LDHB: variants seen among roughly 807,000 people sequenced by gnomAD.
LDHB encodes the protein L-lactate dehydrogenase B chain.
In LDHB, 18 loss-of-function variants were observed where a neutral mutation model predicts 33.4. The ratio of observed to expected loss-of-function variants is 0.54; its 90% CI spans 0.37 to 0.80. The LOEUF (loss-of-function observed/expected upper bound fraction) is 0.80. Among genes scored for constraint, LDHB ranks in the 30% least tolerant of loss-of-function variants. The pLI is 0.00. For missense variants in LDHB, 345 were observed against 407.9 expected (o/e 0.85, Z 1.33); for synonymous variants, 121 against 140.6 (o/e 0.86, Z 0.98).
At chr12:21,650,954 T>G (rs1294065435) in intron 2 of LDHB, among the ~76,000 whole-genome samples, 3 of 152,190 alleles carry the variant, frequency 2.0e-5, no homozygotes, top group Non-Finnish European at 4.4e-5. Context: ...GGAAGTTTAT[T>G]TTATATCGGA....
chr12:21,642,076 G>A lies in LDHB; in HGVS notation c.471C>T (p.His157=), dbSNP rs1938390896. ...GATTACATCCACTTCCAATCACGCG[G>A]TGTTTGGGTAATCCACTTAGTTTCC... ...VTWKLSGLPK[H]RVIGSGCNLD... Residue 157 remains histidine (H), a synonymous_variant, in exon 5 of 8, where the codon CAC becomes CAT. Coordinates refer to ENST00000350669, the MANE Select transcript of LDHB (RefSeq NM_002300.8). 3 of 1,613,412 alleles carry A rather than the reference G, an allele frequency of 1.9e-6. No homozygotes were observed. The highest frequency in any genetic ancestry group is 2.5e-6 in the Non-Finnish European group (3 of 1,179,578).
chr12:21,636,931 T>G, intron 7 of LDHB, 140 bp downstream of exon 7: 3 of 774,650 alleles, frequency 3.9e-6, no homozygotes, highest in Non-Finnish European at 6.7e-6. Context: ...TGTTGGAAAA[T>G]GAGAATAGTT....
chr12:21,643,887 C>G, intron 4 of LDHB, 48 bp downstream of exon 4: 1 of 1,419,426 alleles, frequency 7.0e-7, no homozygotes, highest in Non-Finnish European at 1.0e-6. Context: ...ACAGAAACAC[C>G]AAAACACTGA....
At chr12:21,656,792 C>A (rs1335635462) in intron 1 of LDHB, among the ~76,000 whole-genome samples, 2 of 152,184 alleles carry the variant, frequency 1.3e-5, no homozygotes. Flanking sequence ...GGAACAAGAA[C>A]GACAAACGGT....
At chr12:21,652,275 T>C (rs775111896) in intron 2 of LDHB, among the ~76,000 whole-genome samples, 2 of 152,168 alleles carry the variant, frequency 1.3e-5, no homozygotes, top group East Asian at 1.9e-4. Context: ...AAAAAGAAAA[T>C]TGAAAAGTCA....
At chr12:21,636,089 CTTAT>C (rs1040411256) in intron 7 of LDHB, among the ~76,000 whole-genome samples, 37 of 152,192 alleles carry the variant, frequency 2.4e-4, no homozygotes, top group African/African-American at 8.9e-4. Flanking sequence ...GTAACAAGTA[CTTAT>C]TTAATTTTAT....
At chr12:21,650,633 C>T (rs1333939003) in intron 2 of LDHB, among the ~76,000 whole-genome samples, 4 of 152,130 alleles carry the variant, frequency 2.6e-5, no homozygotes, top group Non-Finnish European at 5.9e-5. Context: ...AGTTAAAATG[C>T]AGAGTCTGAG....
chr12:21,647,721 C>A (rs1199028969), intron 2 of LDHB, among the ~76,000 whole-genome samples: 1 of 152,046 alleles, frequency 6.6e-6, no homozygotes, highest in East Asian at 1.9e-4. Flanking sequence ...CGCTCCGTTG[C>A]CGAGGCTGGA....
intron 3 of LDHB, among the ~76,000 whole-genome samples, chr12:21,644,394 G>C (rs1291415218): frequency 2.6e-5 from 3 of 113,858 alleles, no homozygotes; most frequent in African/African-American, 1.0e-4. Flanking sequence ...ATAAAATGAA[G>C]TGTAAACAGT....
At chr12:21,652,449 A>T (rs1312270136) in intron 2 of LDHB, among the ~76,000 whole-genome samples, 6 of 152,224 alleles carry the variant, frequency 3.9e-5, no homozygotes, top group Non-Finnish European at 8.8e-5. Context: ...TTTATCTTTG[A>T]ACATGGCACA....
At chr12:21,643,211 G>C (rs746643427) in intron 4 of LDHB, among the ~76,000 whole-genome samples, 8 of 152,200 alleles carry the variant, frequency 5.3e-5, no homozygotes, top group Non-Finnish European at 1.0e-4. Flanking sequence ...GTTTCTCTAT[G>C]GGAAGTGTGA....
chr12:21,643,926 CAAT>C lies in LDHB; in HGVS notation c.421+6_421+8del, dbSNP rs770406202. The C allele has an allele frequency of 1.0e-5, 16 of 1,588,176 alleles. No individual in the cohort carries two copies. Among genetic ancestry groups the C allele is most frequent in the Non-Finnish European group, 1.4e-5 (16 of 1,156,556 alleles). On this transcript the variant is annotated splice_donor_region_variant and intron_variant, in intron 4 of 7. Coordinates refer to ENST00000350669, the MANE Select transcript of LDHB (RefSeq NM_002300.8). ...TAACAGAACAGAGACTTAAAGTATA[CAAT>C]AATACCTGGGTTGGAAACCACAATT...
chr12:21,635,837 G>T, intron 7 of LDHB, 128 bp from the exon 8 acceptor site: 1 of 778,892 alleles, frequency 1.3e-6, no homozygotes, highest in Non-Finnish European at 2.2e-6. Flanking sequence ...TATGACAGCG[G>T]TACTACTCTC....
rs1938394697 is a variant in LDHB, at chr12:21,642,202, T to A, written c.422-77A>T. 5 of 967,938 alleles carry A rather than the reference T, an allele frequency of 5.2e-6. No individual in the cohort carries two copies. The African/African-American group carries it at 8.0e-5, about 16-fold the overall frequency. 60.0% of individuals were successfully genotyped at this position (967,938 alleles called of 1,614,324 possible). On this transcript the variant is annotated intron_variant, in intron 4 of 7. Coordinates refer to ENST00000350669, the MANE Select transcript of LDHB (RefSeq NM_002300.8). ...GTTAGGCAGCTTGGGGTGCCCTGGCTTCCCTTTTCCCACTTCCCCACTCCC... is the reference window on the plus strand; with the variant it reads ...GTTAGGCAGCTTGGGGTGCCCTGGCATCCCTTTTCCCACTTCCCCACTCCC...
chr12:21,635,696 A>G lies in LDHB; in HGVS notation c.851T>C (p.Ile284Thr). ...AAGGCTCAGGAAGACTTCATTCTCA[A>G]TGCCATACATCCCCTGCCAGAACAA... is the stretch of plus-strand genomic sequence containing the variant. ...VSTMVKGMYG[I>T]ENEVFLSLPC... Residue 284 changes from isoleucine (I) to threonine (T), a missense_variant, in exon 8 of 8, where the codon ATT becomes ACT. By Grantham distance (89) the Ile-to-Thr change is moderately conservative. Transcript: ENST00000350669. 1.2e-6 allele frequency: 2 copies of G among 1,613,708 alleles called. No individual in the cohort carries two copies. The highest frequency in any genetic ancestry group is 8.5e-7 in the Non-Finnish European group (1 of 1,179,768).
chr12:21,642,641 G>A (rs1206099492), intron 4 of LDHB, among the ~76,000 whole-genome samples: 1 of 152,102 alleles, frequency 6.6e-6, no homozygotes, highest in Non-Finnish European at 1.5e-5. Context: ...TTTAATAAAA[G>A]AACATCTATG....
At chr12:21,645,573 T>C (rs1400611841) in intron 3 of LDHB, among the ~76,000 whole-genome samples, 1 of 152,216 alleles carries the variant, frequency 6.6e-6, no homozygotes, top group Admixed American at 6.5e-5. Flanking sequence ...CTGGCAGCAA[T>C]ACTGCCCTTT....
At chr12:21,642,671 G>A (rs765803359) in intron 4 of LDHB, among the ~76,000 whole-genome samples, 15 of 152,076 alleles carry the variant, frequency 9.9e-5, no homozygotes, top group South Asian at 4.2e-4. Context: ...TTGCTCCAGC[G>A]TGGCATAGCC....
intron 2 of LDHB, among the ~76,000 whole-genome samples, chr12:21,648,497 ATAG>A (rs2136975665): frequency 6.6e-6 from 1 of 151,514 alleles, no homozygotes; most frequent in Non-Finnish European, 1.5e-5. Context: ...TCTTCTAAGA[ATAG>A]TAGTGTGATC....
Sources: gnomAD v4.1 joint callset for allele counts (sites outside exome capture counted in the v4.1 genomes callset) on GRCh38, gnomAD v4.1.1 for gene constraint, MANE v1.5 for transcripts, NCBI Gene and HGNC (gene_info 2026-07-23, HGNC 2026-07-21) for gene names.